The following LDLRAD3 variants were observed in gnomAD, a reference collection of about 807,000 sequenced individuals.
The protein encoded by LDLRAD3 is low-density lipoprotein receptor class A domain-containing protein 3.
In LDLRAD3, 20 loss-of-function variants were observed where a neutral mutation model predicts 29.4. The observed-to-expected ratio is 0.68, with a 90% CI of 0.48 to 0.99. The LOEUF is 0.99. Among genes scored for constraint, LDLRAD3 ranks in the 50% least tolerant of loss-of-function variants. LDLRAD3 has a pLI of 0.00. For synonymous variants in LDLRAD3, 157 were observed against 192.7 expected (o/e 0.81, Z 1.53); for missense variants, 420 against 454.3 (o/e 0.92, Z 0.69).
At chr11:35,957,811 A>AAAAAG (rs1476862530) in intron 1 of LDLRAD3, among the ~76,000 whole-genome samples, 28 of 142,842 alleles carry the variant, frequency 2.0e-4, no homozygotes, top group African/African-American at 6.2e-4. Context: ...AAAAAAAAAA[A>AAAAAG]AAAAGAAAAG....
chr11:35,973,958 C>T (rs1293656692), intron 1 of LDLRAD3, among the ~76,000 whole-genome samples: 1 of 152,130 alleles, frequency 6.6e-6, no homozygotes, highest in Non-Finnish European at 1.5e-5. Context: ...AACATCTTTC[C>T]ATAAGTGTAA....
intron 3 of LDLRAD3, among the ~76,000 whole-genome samples, chr11:36,093,969 G>A (rs1853321288): frequency 1.3e-5 from 2 of 152,302 alleles, no homozygotes; most frequent in Admixed American, 1.3e-4. Context: ...AACCAATTAG[G>A]AAAGGGTAGG....
intron 1 of LDLRAD3, chr11:35,967,886 AC>A (rs1226293990): frequency 5.1e-6 from 2 of 394,362 alleles, no homozygotes; most frequent in African/African-American, 2.1e-5. Context: ...GTAGTAATGT[AC>A]CAGGTGGGGT....
chr11:35,987,409 C>T (rs1851628457), intron 1 of LDLRAD3, among the ~76,000 whole-genome samples: 1 of 152,182 alleles, frequency 6.6e-6, no homozygotes, highest in South Asian at 2.1e-4. Flanking sequence ...TGCCCTGCTC[C>T]CTTCCTCCTC....
chr11:35,948,677 G>C (rs1851092088), intron 1 of LDLRAD3, among the ~76,000 whole-genome samples: 1 of 152,106 alleles, frequency 6.6e-6, no homozygotes, highest in South Asian at 2.1e-4. Flanking sequence ...CAGAGTAACT[G>C]CTTGGTCGGG....
At chr11:35,964,555 T>C (rs1851315386) in intron 1 of LDLRAD3, among the ~76,000 whole-genome samples, 1 of 152,162 alleles carries the variant, frequency 6.6e-6, no homozygotes, top group Non-Finnish European at 1.5e-5. Flanking sequence ...GCCTCTACTT[T>C]GGAGGCTGTC....
intron 4 of LDLRAD3, among the ~76,000 whole-genome samples, chr11:36,191,574 C>A (rs60438550): frequency 0.074 from 4,893 of 65,810 alleles, 100 homozygotes; most frequent in Non-Finnish European, 0.087. Context: ...CTCTCTCTCT[C>A]TCTATATATA....
At chr11:36,063,964 A>G (rs1852747978) in intron 2 of LDLRAD3, among the ~76,000 whole-genome samples, 1 of 152,144 alleles carries the variant, frequency 6.6e-6, no homozygotes, top group Admixed American at 6.5e-5. Flanking sequence ...CTGAGATTTT[A>G]GTATAAGGGT....
chr11:35,994,153 A>G (rs976955441), intron 1 of LDLRAD3, among the ~76,000 whole-genome samples: 3 of 151,814 alleles, frequency 2.0e-5, no homozygotes, highest in Admixed American at 1.3e-4. Flanking sequence ...CAGAGATACC[A>G]TGGGTTCAGT....
intron 2 of LDLRAD3, 36 bp from the exon 3 acceptor site, chr11:36,081,617 C>G: frequency 6.2e-7 from 1 of 1,613,912 alleles, no homozygotes; most frequent in Non-Finnish European, 8.5e-7. Flanking sequence ...CTGAGAACAT[C>G]TCCTGATGTC....
intron 1 of LDLRAD3, among the ~76,000 whole-genome samples, chr11:36,027,817 G>A (rs1852187126): frequency 6.6e-6 from 1 of 152,350 alleles, no homozygotes; most frequent in African/African-American, 2.4e-5. Flanking sequence ...GTGCTGAAGT[G>A]CAGAGTCGAT....
intron 1 of LDLRAD3, among the ~76,000 whole-genome samples, chr11:36,017,714 G>A (rs1050344146): frequency 6.6e-6 from 1 of 151,888 alleles, no homozygotes; most frequent in African/African-American, 2.4e-5. Context: ...TAGTAGAGAC[G>A]GGGTTTCACC....
intron 3 of LDLRAD3, among the ~76,000 whole-genome samples, chr11:36,090,020 T>C (rs115226545): frequency 3.9e-5 from 6 of 152,306 alleles, no homozygotes; most frequent in African/African-American, 1.4e-4. Flanking sequence ...GACATTATTT[T>C]TGTCCTCACT....
At chr11:36,082,986 G>A (rs10836488) in intron 3 of LDLRAD3, among the ~76,000 whole-genome samples, 29,253 of 152,120 alleles carry the variant, frequency 0.19, 2,966 homozygotes, top group East Asian at 0.35. Context: ...AAACTTACAC[G>A]TTTATTTTCT....
chr11:36,186,688 G>A (rs528263278), intron 4 of LDLRAD3, among the ~76,000 whole-genome samples: 269 of 152,248 alleles, frequency 1.8e-3, no homozygotes, highest in African/African-American at 6.1e-3. Flanking sequence ...TTAGTGAGAC[G>A]GATGGGGTAT....
At chr11:36,188,298 G>C (rs1307554355) in intron 4 of LDLRAD3, among the ~76,000 whole-genome samples, 1 of 134,842 alleles carries the variant, frequency 7.4e-6, no homozygotes, top group African/African-American at 2.8e-5. Context: ...ATTTACCTCT[G>C]TTTCCTTCCT....
intron 4 of LDLRAD3, among the ~76,000 whole-genome samples, chr11:36,191,621 C>CGT (rs1854953579): frequency 1.4e-5 from 1 of 72,894 alleles, no homozygotes; most frequent in Non-Finnish European, 3.1e-5. Flanking sequence ...CACACACACA[C>CGT]ACGCACGCAC....
intron 4 of LDLRAD3, among the ~76,000 whole-genome samples, chr11:36,119,047 G>T (rs1027582776): frequency 1.3e-5 from 2 of 151,978 alleles, no homozygotes; most frequent in Non-Finnish European, 2.9e-5. Context: ...ATTGGAAGAA[G>T]AATTGCCTTG....
At chr11:36,115,232 G>A (rs1277922931) in intron 4 of LDLRAD3, among the ~76,000 whole-genome samples, 2 of 152,212 alleles carry the variant, frequency 1.3e-5, no homozygotes, top group African/African-American at 4.8e-5. Context: ...AATGACTTGT[G>A]AGACCTGGAA....
Sources: gnomAD v4.1 joint callset for allele counts (sites outside exome capture counted in the v4.1 genomes callset) on GRCh38, gnomAD v4.1.1 for gene constraint, MANE v1.5 for transcripts, NCBI Gene and HGNC (gene_info 2026-07-23, HGNC 2026-07-21) for gene names.